The following ROPN1B variants were observed in gnomAD, a reference collection of about 807,000 sequenced individuals.
ROPN1B encodes rhophilin associated tail protein 1B.
ROPN1B carries 13 observed loss-of-function variants against 23.7 expected under a neutral mutation model. The ratio of observed to expected loss-of-function variants is 0.55; its 90% CI spans 0.36 to 0.87. The LOEUF (loss-of-function observed/expected upper bound fraction) is 0.87. Ranked by LOEUF, ROPN1B falls within the 40% of genes least tolerant of loss-of-function variation. The probability of loss-of-function intolerance (pLI) is 0.01; values close to 1 mark genes in which losing one functional copy is unlikely to be tolerated. For missense variants in ROPN1B, 183 were observed against 249.2 expected (o/e 0.73, Z 1.79); for synonymous variants, 67 against 100.4 (o/e 0.67, Z 1.99).
chr3:125,970,443 A>G (rs1315270501), intron 1 of ROPN1B, among the ~76,000 whole-genome samples: 1 of 152,180 alleles, frequency 6.6e-6, no homozygotes, highest in African/African-American at 2.4e-5. Context: ...TTTAGCCCAT[A>G]CCAATAAAAA....
chr3:125,979,807 A>T (rs1938549581), intron 5 of ROPN1B, among the ~76,000 whole-genome samples: 1 of 152,212 alleles, frequency 6.6e-6, no homozygotes, highest in South Asian at 2.1e-4. Flanking sequence ...AGAAGAGTCT[A>T]GTAACAGGAA....
At chr3:125,973,136 G>A (rs1021433961) in intron 3 of ROPN1B, 7 of 342,616 alleles carry the variant, frequency 2.0e-5, no homozygotes, top group African/African-American at 1.5e-4. Flanking sequence ...GTGGGAAAGT[G>A]AGAGTGAGAG....
Position 125,975,682 on chromosome 3 carries a change from T to C in ROPN1B, c.234+2T>C, listed in dbSNP as rs1297414513. 4 of 1,609,800 alleles carry C rather than the reference T, an allele frequency of 2.5e-6. No individual in the cohort carries two copies. Among genetic ancestry groups the C allele is most frequent in the Admixed American group, 1.7e-5 (1 of 59,626 alleles). On this transcript the variant is annotated splice_donor_variant, in intron 4 of 6. Transcript: ENST00000514116. LOFTEE classifies it high-confidence loss of function. ...CTGTTAAAGATCCTGCATTCTCAGG[T>C]AAGGGCCCTGCTGCAGCATTGAGGA...
chr3:125,981,649 C>A (rs1938615448), intron 5 of ROPN1B, among the ~76,000 whole-genome samples: 1 of 152,134 alleles, frequency 6.6e-6, no homozygotes, highest in Admixed American at 6.6e-5. Flanking sequence ...TGTTAAAATT[C>A]CTGGCACTCA....
chr3:125,970,558 T>C (rs904328023), intron 1 of ROPN1B, among the ~76,000 whole-genome samples: 32 of 152,192 alleles, frequency 2.1e-4, no homozygotes, highest in African/African-American at 7.2e-4. Context: ...TTGGGAGGCA[T>C]GTTTTGTTTG....
At position 125,982,425 on chromosome 3, in the gene ROPN1B, A is replaced by G; in HGVS notation, c.552A>G (p.Leu184=). The G allele has an allele frequency of 6.2e-7, 1 of 1,602,406 alleles. No homozygotes were observed. The highest frequency in any genetic ancestry group is 8.5e-7 in the Non-Finnish European group (1 of 1,177,308). Residue 184 remains leucine, a synonymous_variant, in exon 6 of 7, where the codon CTA becomes CTG. Transcript: ENST00000514116. ...EICASHVSRM[L]NYIEQEVIGP... The stretch of plus-strand genomic sequence containing the variant: ...GTGCATCACATGTCAGCAGGATGCT[A>G]AACTACATTGAACAGGAAGTGTAAG...
chr3:125,980,604 C>T (rs1400714689), intron 5 of ROPN1B, among the ~76,000 whole-genome samples: 2 of 152,074 alleles, frequency 1.3e-5, no homozygotes, highest in Admixed American at 6.5e-5. Flanking sequence ...TTTTAAAGGT[C>T]GTATGTTCAA....
intron 2 of ROPN1B, among the ~76,000 whole-genome samples, chr3:125,971,781 T>C (rs1237709833): frequency 2.0e-5 from 3 of 152,204 alleles, no homozygotes; most frequent in Non-Finnish European, 4.4e-5. Flanking sequence ...GTGATACCAT[T>C]AGGGATTTTT....
intron 2 of ROPN1B, 148 bp downstream of exon 2, chr3:125,971,310 T>C (rs1051808421): frequency 6.6e-6 from 1 of 152,196 alleles, no homozygotes; most frequent in African/African-American, 2.4e-5. Flanking sequence ...TCTAGGTGTT[T>C]TGAAGAGGGA....
chr3:125,982,568 T>C (rs534443923), intron 6 of ROPN1B, 123 bp downstream of exon 6: 222 of 764,158 alleles, frequency 2.9e-4, no homozygotes, highest in Non-Finnish European at 4.1e-4. Flanking sequence ...ACATGAAATA[T>C]CGATCTGAAA....
At chr3:125,971,973 T>G in intron 2 of ROPN1B, 70 bp from the exon 3 acceptor site, 2 of 1,432,128 alleles carry the variant, frequency 1.4e-6, no homozygotes, top group Non-Finnish European at 1.9e-6. Context: ...CTGGGTGACC[T>G]CCTGTCCAGG....
At chr3:125,979,129 C>T (rs368459935) in intron 5 of ROPN1B, among the ~76,000 whole-genome samples, 14 of 152,166 alleles carry the variant, frequency 9.2e-5, no homozygotes, top group African/African-American at 3.1e-4. Context: ...CAGTGAGCTC[C>T]TCCAATTCTA....
rs145066817 is a variant in ROPN1B at position 125,982,367 on chromosome 3, A to G, written c.494A>G (p.Tyr165Cys). ...CCATTCAGCACCTTCCAGTTTCTCT[A>G]CACGTATATTGCCGAAGTGGATGGG... ...RIPFSTFQFL[Y>C]TYIAEVDGEI... The change falls in exon 6 of 7, where the codon TAC becomes TGC. Residue 165 changes from tyrosine (Y) to cysteine (C), a missense_variant. Around this residue, in one of 3 missense-constraint regions of ROPN1B, gnomAD observed 80 missense variants for 98.0 expected, o/e 0.82. Coordinates refer to ENST00000514116, the MANE Select transcript of ROPN1B (RefSeq NM_001308313.2). 569 of 1,613,566 alleles carry G rather than the reference A, an allele frequency of 3.5e-4. 6 individuals carry two copies. The East Asian group carries it at 0.013, about 36-fold the overall frequency.
At chr3:125,979,423 A>G (rs1477128432) in intron 5 of ROPN1B, among the ~76,000 whole-genome samples, 2 of 152,150 alleles carry the variant, frequency 1.3e-5, no homozygotes, top group Non-Finnish European at 2.9e-5. Context: ...GGAGTTGATT[A>G]GGTCATGAGG....
rs775822176 is a variant in ROPN1B, at chr3:125,972,131, T to A, written c.77T>A (p.Ile26Asn). The stretch of plus-strand genomic sequence containing the variant: ...CTGAAGGAGTTTGCCAAAGCCGCCA[T>A]TCGGGCGCAGCCGCAGGACCTCATC... ...KMLKEFAKAAIRAQPQDLIQW... is the reference protein window; with the variant it reads ...KMLKEFAKAANRAQPQDLIQW... The change falls in exon 3 of 7, where the codon ATT becomes AAT. Residue 26 changes from isoleucine (I) to asparagine (N), a missense_variant. Physicochemically the swap from Ile to Asn is moderately radical, Grantham distance 149. This residue lies in a region of ROPN1B where 97 missense variants were observed against 99.6 expected (regional missense o/e 0.97). Transcript: ENST00000514116. 6.8e-6 allele frequency: 11 copies of A among 1,614,050 alleles called. No homozygotes were observed. The highest frequency in any genetic ancestry group is 7.6e-6 in the Non-Finnish European group (9 of 1,180,020).
chr3:125,973,939 A>G (rs994580001), intron 3 of ROPN1B: 3 of 153,830 alleles, frequency 2.0e-5, no homozygotes, highest in Admixed American at 6.5e-5. Context: ...TTGGCAGGAC[A>G]TATACTTATT....
chr3:125,981,028 TCA>T (rs1224943689), intron 5 of ROPN1B, among the ~76,000 whole-genome samples: 2 of 150,608 alleles, frequency 1.3e-5, no homozygotes, highest in African/African-American at 5.0e-5. Flanking sequence ...TGCCTCAAAC[TCA>T]TTTTTTTTTG....
At chr3:125,973,394 G>T in intron 3 of ROPN1B, 1 of 199,492 alleles carries the variant, frequency 5.0e-6, no homozygotes, top group Non-Finnish European at 1.0e-5. Flanking sequence ...ATAAATGGGG[G>T]TTGCTTTGCC....
intron 5 of ROPN1B, among the ~76,000 whole-genome samples, chr3:125,978,803 C>T (rs561685870): frequency 6.6e-6 from 1 of 152,158 alleles, no homozygotes; most frequent in Non-Finnish European, 1.5e-5. Context: ...TACTTCACAG[C>T]CCCTCACCAG....
Sources: gnomAD v4.1 joint callset for allele counts (sites outside exome capture counted in the v4.1 genomes callset) on GRCh38, gnomAD v4.1.1 for gene constraint, gnomAD v4.1.1 regional missense constraint, MANE v1.5 for transcripts, NCBI Gene and HGNC (gene_info 2026-07-23, HGNC 2026-07-21) for gene names.